APIP: variants seen among roughly 807,000 people sequenced by gnomAD.
The protein encoded by APIP is APAF1 interacting protein.
In APIP, 32 loss-of-function variants were observed where a neutral mutation model predicts 32.0. The ratio of observed to expected loss-of-function variants is 1.00; its 90% confidence interval spans 0.76 to 1.34. APIP has a LOEUF of 1.34. APIP is among the 40% of genes most tolerant of loss of function. APIP has a pLI of 0.00. For synonymous variants in APIP, 92 were observed against 94.8 expected (o/e 0.97, Z 0.17); for missense variants, 247 against 298.6 (o/e 0.83, Z 1.27).
chr11:34,884,468 T>C (rs1853024314), intron 5 of APIP, among the ~76,000 whole-genome samples: 1 of 152,190 alleles, frequency 6.6e-6, no homozygotes, highest in African/African-American at 2.4e-5. Flanking sequence ...CTCATAGCTA[T>C]AATCCCAGCA....
chr11:34,902,815 T>G (rs11500299), intron 1 of APIP, among the ~76,000 whole-genome samples: 28,771 of 152,022 alleles, frequency 0.19, 3,887 homozygotes, highest in African/African-American at 0.39. Context: ...GAAGGGAATG[T>G]CCCTGGGAGT....
intron 2 of APIP, among the ~76,000 whole-genome samples, chr11:34,892,769 T>C (rs1853203056): frequency 6.6e-6 from 1 of 152,212 alleles, no homozygotes; most frequent in Non-Finnish European, 1.5e-5. Context: ...CCCAAAGAGC[T>C]TATTGTCTGT....
In APIP at chr11:34,892,532, C is replaced by T. The variant is rs527482292; in HGVS notation, c.159-1980G>A. Among the ~76,000 whole-genome samples, 6 of 152,282 alleles carry T rather than the reference C, an allele frequency of 3.9e-5. No homozygotes were observed. The South Asian group carries it at 8.3e-4, about 21-fold the overall frequency. On this transcript the variant is annotated intron_variant, in intron 2 of 6. Transcript: ENST00000395787. ...TAATCACATGCAACAGGATCAGTCT[C>T]TCTGACACCTGTCAATATTACTCTG...
At chr11:34,887,521 C>T (rs1740710602) in intron 5 of APIP, among the ~76,000 whole-genome samples, 1 of 152,172 alleles carries the variant, frequency 6.6e-6, no homozygotes, top group Non-Finnish European at 1.5e-5. Context: ...TAAACATGCA[C>T]ATTCCATTAC....
At chr11:34,894,799 G>C (rs916011260) in intron 2 of APIP, among the ~76,000 whole-genome samples, 6 of 152,172 alleles carry the variant, frequency 3.9e-5, no homozygotes, top group Admixed American at 1.3e-4. Flanking sequence ...TGAAATTGTG[G>C]ATCTTCAGTC....
intron 1 of APIP, among the ~76,000 whole-genome samples, chr11:34,912,846 C>T (rs999355495): frequency 6.6e-6 from 1 of 152,112 alleles, no homozygotes; most frequent in African/African-American, 2.4e-5. Context: ...TATATATATT[C>T]CATTAGTTCT....
chr11:34,912,914 G>T (rs1853580224), intron 1 of APIP, among the ~76,000 whole-genome samples: 1 of 152,110 alleles, frequency 6.6e-6, no homozygotes, highest in African/African-American at 2.4e-5. Context: ...TGCTGAGGCT[G>T]TACCTCAAAC....
At chr11:34,893,558 C>T (rs1347734939) in intron 2 of APIP, among the ~76,000 whole-genome samples, 1 of 152,164 alleles carries the variant, frequency 6.6e-6, no homozygotes, top group Non-Finnish European at 1.5e-5. Flanking sequence ...AATGTGAAAG[C>T]TTGAGCAATG....
At chr11:34,906,785 A>G (rs985684031) in intron 1 of APIP, among the ~76,000 whole-genome samples, 1 of 152,248 alleles carries the variant, frequency 6.6e-6, no homozygotes, top group African/African-American at 2.4e-5. Flanking sequence ...CGCAGGCTTC[A>G]GCCCCGGGTG....
intron 5 of APIP, among the ~76,000 whole-genome samples, chr11:34,887,266 T>A (rs1853092983): frequency 6.6e-6 from 1 of 152,204 alleles, no homozygotes; most frequent in Non-Finnish European, 1.5e-5. Context: ...AACTGATTCT[T>A]CTGACCTATT....
intron 1 of APIP, among the ~76,000 whole-genome samples, chr11:34,908,183 G>A (rs1819339601): frequency 6.6e-6 from 1 of 152,144 alleles, no homozygotes; most frequent in Admixed American, 6.5e-5. Flanking sequence ...CTGTCCACAG[G>A]TTAACAATAA....
In APIP at chr11:34,888,447, AGCC is replaced by A; in HGVS notation, c.326-22_326-20del. 2 of 1,602,184 alleles carry A rather than the reference AGCC, an allele frequency of 1.2e-6. No homozygotes were observed. Among genetic ancestry groups the A allele is most frequent in the South Asian group, 2.3e-5 (2 of 87,476 alleles). ...CCTGCTCCTGAAGGAGGAAGAAGAAAGCCGCATGCTCAATGAAGACTGAATTAT... is the reference window on the plus strand; with the variant it reads ...CCTGCTCCTGAAGGAGGAAGAAGAAAGCATGCTCAATGAAGACTGAATTAT... On this transcript the variant is annotated intron_variant, in intron 4 of 6. Coordinates refer to ENST00000395787, the MANE Select transcript of APIP (RefSeq NM_015957.4).
chr11:34,913,086 T>G (rs758933446), intron 1 of APIP, among the ~76,000 whole-genome samples: 14 of 152,218 alleles, frequency 9.2e-5, no homozygotes, highest in Non-Finnish European at 1.6e-4. Flanking sequence ...CTCCTGATTT[T>G]ACTCCCTCAC....
At chr11:34,896,852 G>A (rs891706946) in intron 1 of APIP, 1 of 1,268,738 alleles carries the variant, frequency 7.9e-7, no homozygotes. Flanking sequence ...AGCCATGTAA[G>A]CCACTAGAAG....
intron 1 of APIP, 62 bp downstream of exon 1, chr11:34,916,166 C>T (rs374157413): frequency 6.4e-7 from 1 of 1,565,718 alleles, no homozygotes. Flanking sequence ...CAGCTCCAGC[C>T]GCCGGGTCCC....
chr11:34,916,285 G>C lies in APIP; in HGVS notation c.-1C>G. 1.9e-6 allele frequency: 3 copies of C among 1,612,310 alleles called. No homozygotes were observed. The highest frequency in any genetic ancestry group is 2.5e-6 in the Non-Finnish European group (3 of 1,179,428). Reference sequence around the variant, plus strand: ...CCTCCCGAGCATCACAGCCAGACATGGCCCAGACCAGGGACCCGCGCGGCC... The same window carrying C: ...CCTCCCGAGCATCACAGCCAGACATCGCCCAGACCAGGGACCCGCGCGGCC... On this transcript the variant is annotated 5_prime_UTR_variant, in exon 1 of 7. Coordinates refer to ENST00000395787, the MANE Select transcript of APIP (RefSeq NM_015957.4).
At chr11:34,899,895 T>C (rs916822620) in intron 1 of APIP, among the ~76,000 whole-genome samples, 13 of 152,268 alleles carry the variant, frequency 8.5e-5, no homozygotes, top group Non-Finnish European at 1.5e-4. Context: ...AGGACACTTT[T>C]ATTCTCACTT....
intron 1 of APIP, 117 bp from the exon 2 acceptor site, chr11:34,895,227 G>C (rs1853248338): frequency 1.2e-6 from 1 of 815,432 alleles, no homozygotes; most frequent in African/African-American, 1.7e-5. Flanking sequence ...ACTATAGAAA[G>C]AGTACAGTGA....
At chr11:34,897,296 C>T (rs1339392848) in intron 1 of APIP, among the ~76,000 whole-genome samples, 5 of 152,308 alleles carry the variant, frequency 3.3e-5, no homozygotes, top group African/African-American at 1.2e-4. Context: ...GTCTAATCCA[C>T]ATTACTGGAT....
Sources: allele counts gnomAD v4.1 joint callset (sites outside exome capture counted in the v4.1 genomes callset), GRCh38; gene constraint gnomAD v4.1.1; transcripts MANE v1.5; gene names NCBI Gene and HGNC (gene_info 2026-07-23, HGNC 2026-07-21).